Variants in HECW2 observed in about 807,000 individuals in gnomAD.
HECW2 encodes HECT, C2 and WW domain containing E3 ubiquitin protein ligase 2.
Under a neutral mutation model 175.2 loss-of-function variants are expected in HECW2, and 61 were observed. The ratio of observed to expected loss-of-function variants is 0.35; its 90% confidence interval spans 0.28 to 0.43. The LOEUF (loss-of-function observed/expected upper bound fraction) is 0.43, where lower values mean the gene tolerates loss of function less well. Among genes scored for constraint, HECW2 ranks in the 20% least tolerant of loss-of-function variants. HECW2 has a pLI of 1.00. For missense variants in HECW2, 1,524 were observed against 2,000.5 expected (o/e 0.76, Z 4.54); for synonymous variants, 671 against 731.0 (o/e 0.92, Z 1.32).
chr2:196,479,400 A>T (rs1686772241), intron 1 of HECW2, among the ~76,000 whole-genome samples: 1 of 152,232 alleles, frequency 6.6e-6, no homozygotes, highest in African/African-American at 2.4e-5. Flanking sequence ...AATCTCCAGA[A>T]CAAGAAGTGC....
chr2:196,365,316 A>C (rs1693714656), intron 2 of HECW2, among the ~76,000 whole-genome samples: 1 of 152,236 alleles, frequency 6.6e-6, no homozygotes, highest in Non-Finnish European at 1.5e-5. Flanking sequence ...TACTAAAAAC[A>C]CAACTAGAAT....
intron 1 of HECW2, among the ~76,000 whole-genome samples, chr2:196,491,539 T>C (rs1010394995): frequency 6.0e-5 from 9 of 150,910 alleles, no homozygotes; most frequent in African/African-American, 1.9e-4. Flanking sequence ...TACACACATA[T>C]ATATGTATAT....
chr2:196,255,634 C>T (rs1469354077), intron 18 of HECW2, among the ~76,000 whole-genome samples: 1 of 152,188 alleles, frequency 6.6e-6, no homozygotes, highest in Non-Finnish European at 1.5e-5. Context: ...ACTGATAAGT[C>T]AATTTGTACC....
intron 13 of HECW2, among the ~76,000 whole-genome samples, chr2:196,303,059 A>T (rs1255039913): frequency 1.3e-5 from 2 of 152,200 alleles, no homozygotes; most frequent in Non-Finnish European, 2.9e-5. Context: ...TTTGCCATAT[A>T]TGGCTCTTAT....
At position 196,480,962 on chromosome 2, in the gene HECW2, GAATA is replaced by G. The variant is rs1247108812; in HGVS notation, c.-35-47508_-35-47505del. ...AGAAATATTTTTGACATGAATTAGA[GAATA>G]GATAGTTTAATTGTGAGGAAAAAGA... On this transcript the variant is annotated intron_variant, in intron 1 of 28. Transcript: ENST00000644978. 2.0e-5 allele frequency among the ~76,000 whole-genome samples: 3 copies of G among 152,280 alleles called. No individual in the cohort carries two copies. In the East Asian group the frequency reaches 5.8e-4, roughly 29 times the overall value.
At chr2:196,310,685 G>A (rs898583099) in intron 10 of HECW2, among the ~76,000 whole-genome samples, 4 of 152,120 alleles carry the variant, frequency 2.6e-5, no homozygotes, top group African/African-American at 9.7e-5. Flanking sequence ...AGAAGGCTGA[G>A]GACTTAACAT....
chr2:196,278,490 A>G (rs1690061736), intron 15 of HECW2, 38 bp downstream of exon 15: 3 of 1,599,648 alleles, frequency 1.9e-6, no homozygotes, highest in African/African-American at 1.3e-5. Flanking sequence ...AGAAGCTTCT[A>G]TCAACCAACA....
At chr2:196,251,053 C>A (rs1902269) in intron 19 of HECW2, among the ~76,000 whole-genome samples, 1 of 151,926 alleles carries the variant, frequency 6.6e-6, no homozygotes, top group Non-Finnish European at 1.5e-5. Flanking sequence ...CCCTATCCCC[C>A]TTTTGAGACA....
At chr2:196,586,264 C>A (rs73988044) in intron 1 of HECW2, among the ~76,000 whole-genome samples, 5,477 of 152,246 alleles carry the variant, frequency 0.036, 331 homozygotes, top group African/African-American at 0.12. Flanking sequence ...GTTAATAATT[C>A]TCCCTTCCCT....
At chr2:196,391,877 G>A (rs1694522122) in intron 2 of HECW2, among the ~76,000 whole-genome samples, 1 of 152,118 alleles carries the variant, frequency 6.6e-6, no homozygotes, top group African/African-American at 2.4e-5. Flanking sequence ...CATACTCCTT[G>A]GTTTGTAGCT....
At chr2:196,283,839 A>G (rs909460767) in intron 14 of HECW2, among the ~76,000 whole-genome samples, 1 of 152,206 alleles carries the variant, frequency 6.6e-6, no homozygotes, top group Non-Finnish European at 1.5e-5. Context: ...GATTTTCCCT[A>G]TTTGGTGAAT....
chr2:196,588,577 G>A (rs188640256), intron 1 of HECW2, among the ~76,000 whole-genome samples: 44 of 152,282 alleles, frequency 2.9e-4, no homozygotes, highest in Non-Finnish European at 4.9e-4. Flanking sequence ...CAATTACCAG[G>A]ACTTCTTAAG....
At position 196,222,311 on chromosome 2, in the gene HECW2, A is replaced by G; in HGVS notation, c.4046T>C (p.Leu1349Pro). 6.2e-7 allele frequency: 1 copy of G among 1,613,460 alleles called. No individual in the cohort carries two copies. Residue 1349 changes from leucine (L) to proline (P), a missense_variant, in exon 24 of 29, where the codon CTT becomes CCT. By Grantham distance (98) the Leu-to-Pro change is moderately conservative (BLOSUM62 -3). This residue lies in a region of HECW2 where 134 missense variants were observed against 287.8 expected (regional missense o/e 0.47). Coordinates refer to ENST00000644978, the MANE Select transcript of HECW2 (RefSeq NM_001348768.2). Reference sequence around the variant, plus strand: ...CAGGCTCTGATGGAACTCTTCATCAAGGTATTCTAGGTCACTCAGGTCACA... The same window carrying G: ...CAGGCTCTGATGGAACTCTTCATCAGGGTATTCTAGGTCACTCAGGTCACA... Reference protein sequence around the residue: ...ILCDLSDLEYLDEEFHQSLQW... With the variant: ...ILCDLSDLEYPDEEFHQSLQW...
intron 1 of HECW2, among the ~76,000 whole-genome samples, chr2:196,494,812 G>A (rs572253551): frequency 2.7e-4 from 41 of 152,258 alleles, no homozygotes; most frequent in African/African-American, 9.1e-4. Context: ...CAGACGCAAG[G>A]TATTCCACTG....
intron 2 of HECW2, among the ~76,000 whole-genome samples, chr2:196,359,994 C>T (rs1693528539): frequency 6.6e-6 from 1 of 152,130 alleles, no homozygotes; most frequent in South Asian, 2.1e-4. Flanking sequence ...GTTCTAGCTA[C>T]TCAGGATGCT....
chr2:196,207,580 T>C (rs775256850), intron 28 of HECW2, among the ~76,000 whole-genome samples: 11 of 152,130 alleles, frequency 7.2e-5, no homozygotes, highest in Admixed American at 2.0e-4. Flanking sequence ...GGAAAGAAAT[T>C]CTATGGTGCT....
At chr2:196,536,388 G>C (rs1241629870) in intron 1 of HECW2, among the ~76,000 whole-genome samples, 2 of 152,164 alleles carry the variant, frequency 1.3e-5, no homozygotes, top group African/African-American at 2.4e-5. Context: ...TGGACTACAT[G>C]AGAGAGCTGG....
Position 196,307,110 on chromosome 2 carries a change from A to G in HECW2, c.2689+20T>C. ...TTTCCACTTTTATGAAATTACAAAA[A>G]CAAAGCCCAAAGCTCTTACCTGCAC... On this transcript the variant is annotated intron_variant, in intron 12 of 28. Coordinates refer to ENST00000644978, the MANE Select transcript of HECW2 (RefSeq NM_001348768.2). 3.2e-6 allele frequency: 5 copies of G among 1,539,770 alleles called. No homozygotes were observed. The highest frequency in any genetic ancestry group is 4.5e-6 in the Non-Finnish European group (5 of 1,115,098).
intron 2 of HECW2, among the ~76,000 whole-genome samples, chr2:196,410,224 C>T (rs1695072571): frequency 6.6e-6 from 1 of 152,150 alleles, no homozygotes; most frequent in Admixed American, 6.5e-5. Flanking sequence ...ATCTTTGTTC[C>T]ATGGTCATGC....
Sources: gnomAD v4.1 joint callset for allele counts (sites outside exome capture counted in the v4.1 genomes callset) on GRCh38, gnomAD v4.1.1 for gene constraint, gnomAD v4.1.1 regional missense constraint, MANE v1.5 for transcripts, NCBI Gene and HGNC (gene_info 2026-07-23, HGNC 2026-07-21) for gene names.